Variants in SLC5A8 observed in about 807,000 individuals in gnomAD.
The protein encoded by SLC5A8 is sodium-coupled monocarboxylate transporter 1.
SLC5A8 carries 55 observed loss-of-function variants against 71.9 expected under a neutral mutation model. The ratio of observed to expected loss-of-function variants is 0.77; its 90% CI spans 0.62 to 0.96. The LOEUF (loss-of-function observed/expected upper bound fraction) is 0.96, where lower values mean the gene tolerates loss of function less well. Among genes scored for constraint, SLC5A8 ranks in the 40% least tolerant of loss-of-function variants. SLC5A8 has a pLI of 0.00. For missense variants in SLC5A8, 701 were observed against 745.3 expected, an observed-to-expected ratio of 0.94 and a Z score of 0.69; for synonymous variants, 307 against 276.1, an observed-to-expected ratio of 1.11 and a Z score of -1.11.
In SLC5A8 at chr12:101,190,619, A is replaced by G. The variant is rs1868855984; in HGVS notation, c.693-11T>C. On this transcript the variant is annotated splice_polypyrimidine_tract_variant and intron_variant, in intron 5 of 14. Coordinates refer to ENST00000536262, the MANE Select transcript of SLC5A8 (RefSeq NM_145913.5). ...GGGTTAGGATTAAAACTAAATGACA[A>G]GAAACAGAAAACAAATCTGAACTAT... 1 of 1,590,226 alleles carries G rather than the reference A, an allele frequency of 6.3e-7. No individual in the cohort carries two copies. The highest frequency in any genetic ancestry group is 1.7e-4 in the Middle Eastern group (1 of 5,994).
chr12:101,163,948 C>T (rs1470833804), intron 12 of SLC5A8, among the ~76,000 whole-genome samples: 1 of 152,100 alleles, frequency 6.6e-6, no homozygotes, highest in East Asian at 1.9e-4. Context: ...ATCACACCAC[C>T]CACAGAAATC....
intron 10 of SLC5A8, among the ~76,000 whole-genome samples, chr12:101,177,747 C>A (rs1193253749): frequency 6.6e-6 from 1 of 151,878 alleles, no homozygotes; most frequent in African/African-American, 2.4e-5. Flanking sequence ...AATTCAACTG[C>A]CATTTATGGT....
intron 10 of SLC5A8, among the ~76,000 whole-genome samples, chr12:101,176,686 T>C (rs1210726904): frequency 2.6e-5 from 4 of 151,726 alleles, no homozygotes; most frequent in Non-Finnish European, 5.9e-5. Context: ...TTCTAAATAA[T>C]CCATAAATCA....
At chr12:101,190,423 A>G (rs1314303533) in intron 6 of SLC5A8, 45 bp downstream of exon 6, 1 of 1,583,304 alleles carries the variant, frequency 6.3e-7, no homozygotes, top group Non-Finnish European at 8.6e-7. Flanking sequence ...CCATAAAGAC[A>G]ACTGATGGTT....
rs763520625 is a variant in SLC5A8 at position 101,209,644 on chromosome 12, C to T, written c.205G>A (p.Val69Ile). 10 of 1,613,988 alleles carry T rather than the reference C, an allele frequency of 6.2e-6. No individual in the cohort carries two copies. The South Asian group carries it at 9.9e-5, about 16-fold the overall frequency. The change falls in exon 1 of 15, where the codon GTC becomes ATC. Residue 69 changes from valine (V) to isoleucine (I), a missense_variant. By Grantham distance (29) the Val-to-Ile change is conservative. Transcript: ENST00000536262. ...LSLTASFMSAVTVLGTPSEVY... is the reference protein window; with the variant it reads ...LSLTASFMSAITVLGTPSEVY... ...TCGGAGGGGGTGCCCAGGACAGTGA[C>T]GGCTGACATGAAGCTAGCGGTGAGG...
At position 101,180,016 on chromosome 12, in the gene SLC5A8, G is replaced by A. The variant is rs377613807; in HGVS notation, c.1233+13C>T. On this transcript the variant is annotated intron_variant, in intron 10 of 14. Coordinates refer to ENST00000536262, the MANE Select transcript of SLC5A8 (RefSeq NM_145913.5). ...GTGATTTATGACTTAAACCTCCAGGGGCCAGCTCTCACCTGCAACAAAGCT... is the reference window on the plus strand; with the variant it reads ...GTGATTTATGACTTAAACCTCCAGGAGCCAGCTCTCACCTGCAACAAAGCT... The A allele has an allele frequency of 1.5e-5, 24 of 1,613,650 alleles. No homozygotes were observed. The highest frequency in any genetic ancestry group is 6.7e-5 in the East Asian group (3 of 44,880).
chr12:101,186,550 C>T (rs1199522415), intron 7 of SLC5A8, among the ~76,000 whole-genome samples: 1 of 152,110 alleles, frequency 6.6e-6, no homozygotes, highest in Non-Finnish European at 1.5e-5. Flanking sequence ...TTTTGAAAGA[C>T]AATAAATGGC....
At chr12:101,165,750 G>GACTATA (rs540698955) in intron 12 of SLC5A8, among the ~76,000 whole-genome samples, 71 of 152,298 alleles carry the variant, frequency 4.7e-4, no homozygotes, top group Admixed American at 7.8e-4. Context: ...CCAAAGGTAT[G>GACTATA]ACTATATTGA....
chr12:101,180,555 T>G (rs933232620), intron 9 of SLC5A8, among the ~76,000 whole-genome samples: 3 of 152,316 alleles, frequency 2.0e-5, no homozygotes, highest in African/African-American at 7.2e-5. Flanking sequence ...TCATTTCCCT[T>G]GGGAAGTGGC....
At chr12:101,163,215 T>C (rs1282288091) in intron 12 of SLC5A8, among the ~76,000 whole-genome samples, 2 of 152,220 alleles carry the variant, frequency 1.3e-5, no homozygotes, top group South Asian at 2.1e-4. Flanking sequence ...ATGTTTTAAG[T>C]GAAAGAGTAA....
At chr12:101,174,789 C>T (rs542932141) in intron 10 of SLC5A8, among the ~76,000 whole-genome samples, 1 of 152,164 alleles carries the variant, frequency 6.6e-6, no homozygotes, top group Non-Finnish European at 1.5e-5. Context: ...ACTTCTACCT[C>T]CACCTGAAGT....
chr12:101,187,409 TG>T lies in SLC5A8; in HGVS notation c.939del (p.Lys314ArgfsTer37). On this transcript the variant is annotated frameshift_variant, in exon 7 of 15. Transcript: ENST00000536262. LOFTEE classifies it high-confidence loss of function. ...ACCTGGTCTGGTGCAGACACTTTCT[TG>T]GCTGTCCAAGGATCACAGTCATGGT... ...SRYHDCDPWTAKKVSAPDQLM... is the reference protein window; with the variant it reads ...SRYHDCDPWTXKKVSAPDQLM... 6.2e-7 allele frequency: 1 copy of T among 1,613,852 alleles called. No individual in the cohort carries two copies. Among genetic ancestry groups the T allele is most frequent in the Non-Finnish European group, 8.5e-7 (1 of 1,179,892 alleles).
In SLC5A8 at chr12:101,190,603, T is replaced by A; in HGVS notation, c.698A>T (p.Asn233Ile). ...GGTGTGTCTTTGCAAAGGGTTAGGA[T>A]TAAAACTAAATGACAAGAAACAGAA... Reference protein sequence around the residue: ...DGGRLNFWNFNPNPLQRHTFW... With the variant: ...DGGRLNFWNFIPNPLQRHTFW... Residue 233 changes from asparagine (N) to isoleucine (I), a missense_variant, in exon 6 of 15, where the codon AAT (asparagine) becomes ATT (isoleucine). Asn to Ile is a moderately radical substitution (Grantham distance 149, BLOSUM62 -3). Transcript: ENST00000536262. 6.3e-7 allele frequency: 1 copy of A among 1,596,998 alleles called. No individual in the cohort carries two copies. The highest frequency in any genetic ancestry group is 2.3e-5 in the East Asian group (1 of 44,198).
Position 101,193,763 on chromosome 12 carries a change from A to G in SLC5A8, c.554T>C (p.Val185Ala). 6.2e-7 allele frequency: 1 copy of G among 1,614,094 alleles called. No homozygotes were observed. Among genetic ancestry groups the G allele is most frequent in the Non-Finnish European group, 8.5e-7 (1 of 1,180,012 alleles). The change falls in exon 5 of 15, where the codon GTT becomes GCT. Residue 185 changes from valine to alanine, a missense_variant. By Grantham distance (64) the Val-to-Ala change is moderately conservative. Coordinates refer to ENST00000536262, the MANE Select transcript of SLC5A8 (RefSeq NM_145913.5). ...FYCTLGGLKA[V>A]IWTDVFQVGI... Reference sequence around the variant, plus strand: ...AACTTGAAAAACATCTGTCCAGATAACTGCTTTAAGACCACCCTTTGAGGG... The same window carrying G: ...AACTTGAAAAACATCTGTCCAGATAGCTGCTTTAAGACCACCCTTTGAGGG...
rs372186123 is a variant in SLC5A8 at position 101,158,550 on chromosome 12, G to GTCTC, written c.1631-226_1631-223dup. On this transcript the variant is annotated intron_variant, in intron 13 of 14. Coordinates refer to ENST00000536262, the MANE Select transcript of SLC5A8 (RefSeq NM_145913.5). ...AAGCCTCTCACTATAATAAATATGA[G>GTCTC]TCTCTCTCTCTCTCTCTCTCTCTCT... Among the ~76,000 whole-genome samples, 195 of 48,392 alleles carry GTCTC rather than the reference G, an allele frequency of 4.0e-3. 3 individuals are homozygous for GTCTC. The highest frequency in any genetic ancestry group is 0.018 in the Middle Eastern group (1 of 56). The allele number at this position is 48,392 out of a possible 152,430, so 31.7% of individuals were successfully genotyped here.
rs1291734284 is a variant in SLC5A8, at chr12:101,193,612, A to T, written c.692+13T>A. On this transcript the variant is annotated intron_variant, in intron 5 of 14. Transcript: ENST00000536262. ...AAAAGATGTGTTCAGTTACCCAAGT[A>T]CTAGACACTTACTTCCAGAAATTTA... The T allele has an allele frequency of 1.2e-6, 2 of 1,612,126 alleles. No homozygotes were observed. Among genetic ancestry groups the T allele is most frequent in the Non-Finnish European group, 1.7e-6 (2 of 1,179,166 alleles).
chr12:101,184,830 C>T (rs1241364027), intron 7 of SLC5A8, among the ~76,000 whole-genome samples: 2 of 152,144 alleles, frequency 1.3e-5, no homozygotes, highest in South Asian at 2.1e-4. Context: ...AAAAAACTTC[C>T]TGATACTAAC....
intron 2 of SLC5A8, among the ~76,000 whole-genome samples, chr12:101,203,354 C>CT (rs796425589): frequency 6.3e-4 from 93 of 147,248 alleles, no homozygotes; most frequent in South Asian, 2.8e-3. Flanking sequence ...GCTTTTTTTC[C>CT]TTTTTTTTTT....
chr12:101,209,501 G>T lies in SLC5A8; in HGVS notation c.348C>A (p.Tyr116Ter), dbSNP rs745877682. ...VFYKLGITST[Y>*]EYLELRFNKC... The stretch of plus-strand genomic sequence containing the variant: ...CCCAGCCCACCCTGCCCCTTACCTC[G>T]TAGGTGCTGGTAATTCCCAGTTTGT... Residue 116 changes from tyrosine (Y) to a stop codon, truncating the protein, a stop_gained, in exon 1 of 15, where the codon TAC becomes TAA. Transcript: ENST00000536262. LOFTEE classifies it high-confidence loss of function. 33 of 1,500,540 alleles carry T rather than the reference G, an allele frequency of 2.2e-5. No homozygotes were observed. The highest frequency in any genetic ancestry group is 2.7e-5 in the Non-Finnish European group (30 of 1,100,390). The allele number at this position is 1,500,540 out of a possible 1,614,324, so 93.0% of individuals were successfully genotyped here. A position where few individuals can be genotyped will look rare whatever the true frequency, so the allele number is the denominator to read the frequency against.
Sources: gnomAD v4.1 joint callset for allele counts (sites outside exome capture counted in the v4.1 genomes callset) on GRCh38, gnomAD v4.1.1 for gene constraint, MANE v1.5 for transcripts, NCBI Gene and HGNC (gene_info 2026-07-23, HGNC 2026-07-21) for gene names.